The following FHL5 variants were observed in gnomAD, a reference collection of about 807,000 sequenced individuals.
The protein encoded by FHL5 is four and a half LIM domains protein 5.
In FHL5, 33 loss-of-function variants were observed where a neutral mutation model predicts 32.0. That is an observed-to-expected ratio of 1.03 (90% CI 0.78 to 1.38). FHL5 has a LOEUF of 1.38. Ranked by LOEUF, FHL5 falls within the 40% of genes most tolerant of loss-of-function variation. The pLI, the probability that FHL5 is intolerant of heterozygous loss-of-function variation, is 0.00. For synonymous variants in FHL5, 114 were observed against 113.6 expected (o/e 1.00, Z -0.02); for missense variants, 336 against 343.9 (o/e 0.98, Z 0.18).
intron 1 of FHL5, among the ~76,000 whole-genome samples, chr6:96,575,467 A>G (rs968310269): frequency 1.3e-5 from 2 of 152,204 alleles, no homozygotes; most frequent in Non-Finnish European, 2.9e-5. Flanking sequence ...GAAGGAGTAG[A>G]GAGCCTGGAT....
At position 96,603,733 on chromosome 6, in the gene FHL5, T is replaced by G; in HGVS notation, c.120T>G (p.Tyr40Ter). The G allele has an allele frequency of 6.2e-7, 1 of 1,611,080 alleles. No homozygotes were observed. The highest frequency in any genetic ancestry group is 8.5e-7 in the Non-Finnish European group (1 of 1,178,900). The change falls in exon 2 of 6, where the codon TAT becomes TAG. Residue 40 changes from tyrosine to a stop codon, truncating the protein, a stop_gained. Coordinates refer to ENST00000450218, the MANE Select transcript of FHL5 (RefSeq NM_001322466.2). LOFTEE classifies it high-confidence loss of function. ...GTTATGATCGTGTATTTTCTAACTA[T>G]TGCGAGGAATGCAAAAAACCAATTG... ...VTCYDRVFSN[Y>*]CEECKKPIES...
chr6:96,566,038 A>T (rs983894791), intron 1 of FHL5, among the ~76,000 whole-genome samples: 3 of 152,006 alleles, frequency 2.0e-5, no homozygotes, highest in Non-Finnish European at 4.4e-5. Context: ...CTATTTGAAA[A>T]TATACAATAA....
At chr6:96,584,449 G>A (rs948289297) in intron 1 of FHL5, among the ~76,000 whole-genome samples, 2 of 148,076 alleles carry the variant, frequency 1.4e-5, no homozygotes, top group Admixed American at 6.7e-5. Context: ...GTGTGTGTGT[G>A]TGTGTGTGTG....
intron 1 of FHL5, among the ~76,000 whole-genome samples, chr6:96,593,916 G>C (rs1185123869): frequency 1.3e-5 from 2 of 151,900 alleles, no homozygotes; most frequent in Non-Finnish European, 2.9e-5. Context: ...ACCATTATTG[G>C]ACTGGAAGTC....
chr6:96,565,198 C>T (rs765089301), intron 1 of FHL5, among the ~76,000 whole-genome samples: 1 of 152,256 alleles, frequency 6.6e-6, no homozygotes, highest in South Asian at 2.1e-4. Flanking sequence ...TATGTCTAAA[C>T]TTTCACATGG....
At chr6:96,576,924 CAG>C (rs940851519) in intron 1 of FHL5, among the ~76,000 whole-genome samples, 2 of 152,276 alleles carry the variant, frequency 1.3e-5, no homozygotes, top group African/African-American at 4.8e-5. Flanking sequence ...GGAATGGTAA[CAG>C]ATTTTCCCCA....
intron 3 of FHL5, among the ~76,000 whole-genome samples, chr6:96,605,500 T>C (rs1186305542): frequency 6.6e-6 from 1 of 152,204 alleles, no homozygotes; most frequent in Admixed American, 6.5e-5. Context: ...TTCAGAGAAT[T>C]TCTAGAAGGC....
In FHL5 at chr6:96,564,942, A is replaced by T. The variant is rs139544581; in HGVS notation, c.-13+1587A>T. Among the ~76,000 whole-genome samples the T allele has an allele frequency of 9.7e-3, 1,470 of 152,168 alleles. 25 individuals are homozygous for T. The highest frequency in any genetic ancestry group is 0.034 in the African/African-American group (1,407 of 41,536). On this transcript the variant is annotated intron_variant, in intron 1 of 5. Coordinates refer to ENST00000450218, the MANE Select transcript of FHL5 (RefSeq NM_001322466.2). The stretch of plus-strand genomic sequence containing the variant: ...GAAGGAGGACTCCTTTTTGCCCAAC[A>T]TGCCTCAAATCCCTGCAAAATAATC...
chr6:96,614,425 A>G (rs1276012681), intron 5 of FHL5, among the ~76,000 whole-genome samples: 4 of 152,226 alleles, frequency 2.6e-5, no homozygotes, highest in Admixed American at 2.6e-4. Context: ...GAAAGTAGAG[A>G]AATTTGATGC....
chr6:96,580,208 GC>G (rs140303498), intron 1 of FHL5, among the ~76,000 whole-genome samples: 1,767 of 152,220 alleles, frequency 0.012, 33 homozygotes, highest in African/African-American at 0.034. Context: ...TGTTTTCTTG[GC>G]CTTGAGCCAT....
chr6:96,610,452 CT>C (rs375294450), intron 4 of FHL5, 119 bp from the exon 5 acceptor site: 785 of 670,610 alleles, frequency 1.2e-3, no homozygotes, highest in South Asian at 1.9e-3. Context: ...ATGAAATGAT[CT>C]TTTTTTTTTC....
intron 4 of FHL5, among the ~76,000 whole-genome samples, chr6:96,607,759 G>C (rs1157205354): frequency 6.6e-6 from 1 of 151,884 alleles, no homozygotes; most frequent in Non-Finnish European, 1.5e-5. Flanking sequence ...AAGGTGGGAA[G>C]ATTGCCTGAG....
chr6:96,583,833 A>T (rs920285710), intron 1 of FHL5, among the ~76,000 whole-genome samples: 1 of 152,060 alleles, frequency 6.6e-6, no homozygotes, highest in Non-Finnish European at 1.5e-5. Flanking sequence ...CCTTTGACAT[A>T]TTTGCTATAC....
chr6:96,583,501 G>A (rs1321805116), intron 1 of FHL5, among the ~76,000 whole-genome samples: 2 of 152,014 alleles, frequency 1.3e-5, no homozygotes, highest in Non-Finnish European at 2.9e-5. Context: ...GTCACGATAC[G>A]GTAGCCTCCA....
At chr6:96,586,356 A>T (rs1317228033) in intron 1 of FHL5, among the ~76,000 whole-genome samples, 2 of 152,192 alleles carry the variant, frequency 1.3e-5, no homozygotes, top group African/African-American at 4.8e-5. Flanking sequence ...GTGTTTAAAA[A>T]TTTTTTACAC....
chr6:96,594,227 TTATATATATATATATATATATATA>T lies in FHL5; in HGVS notation c.-12-9351_-12-9328del, dbSNP rs1178680000. The stretch of plus-strand genomic sequence containing the variant: ...AAAAGGATCCAATAAATATTAGAAT[TTATATATATATATATATATATATA>T]TATATATATATATATATATATATGT... On this transcript the variant is annotated intron_variant, in intron 1 of 5. Transcript: ENST00000450218. 9.6e-3 allele frequency among the ~76,000 whole-genome samples: 645 copies of T among 66,900 alleles called. 26 individuals are homozygous for T. The highest frequency in any genetic ancestry group is 0.058 in the Admixed American group (377 of 6,554). 43.9% of individuals were successfully genotyped at this position (66,900 alleles called of 152,430 possible). A position where few individuals can be genotyped will look rare whatever the true frequency, so the allele number is the denominator to read the frequency against.
intron 1 of FHL5, among the ~76,000 whole-genome samples, chr6:96,571,455 C>A (rs1465014445): frequency 1.3e-5 from 2 of 152,200 alleles, no homozygotes; most frequent in South Asian, 4.1e-4. Flanking sequence ...GGCCTACAAG[C>A]AGCTGCAGTG....
intron 1 of FHL5, among the ~76,000 whole-genome samples, chr6:96,590,531 T>G: frequency 6.6e-6 from 1 of 152,044 alleles, no homozygotes; most frequent in Admixed American, 6.5e-5. Flanking sequence ...TTTTTTGATT[T>G]TCTCCACAAT....
At chr6:96,604,586 C>T (rs1268896472) in intron 2 of FHL5, among the ~76,000 whole-genome samples, 164 bp from the exon 3 acceptor site, 1 of 151,950 alleles carries the variant, frequency 6.6e-6, no homozygotes, top group Admixed American at 6.6e-5. Context: ...TTAATTACCC[C>T]AGAGAGTCTC....
Sources: gnomAD v4.1 joint callset for allele counts (sites outside exome capture counted in the v4.1 genomes callset) on GRCh38, gnomAD v4.1.1 for gene constraint, MANE v1.5 for transcripts, NCBI Gene and HGNC (gene_info 2026-07-23, HGNC 2026-07-21) for gene names.